MPP3: variants seen among roughly 807,000 people sequenced by gnomAD.
The protein encoded by MPP3 is MAGUK p55 subfamily member 3.
Under a neutral mutation model 80.7 loss-of-function variants are expected in MPP3, and 48 were observed. The ratio of observed to expected loss-of-function variants is 0.59; its 90% CI spans 0.47 to 0.76. MPP3 has a LOEUF of 0.76. Among genes scored for constraint, MPP3 ranks in the 30% least tolerant of loss-of-function variants. The probability of loss-of-function intolerance (pLI) is 0.00; values close to 1 mark genes in which losing one functional copy is unlikely to be tolerated. For synonymous variants in MPP3, 311 were observed against 297.6 expected (o/e 1.04, Z -0.46); for missense variants, 620 against 763.0 (o/e 0.81, Z 2.21).
chr17:43,822,460 T>C (rs1555588388), intron 10 of MPP3, among the ~76,000 whole-genome samples: 1 of 152,002 alleles, frequency 6.6e-6, no homozygotes, highest in Non-Finnish European at 1.5e-5. Context: ...CTTTTTGCCT[T>C]GGCTGCCAGG....
intron 19 of MPP3, among the ~76,000 whole-genome samples, chr17:43,804,294 T>C (rs2044527687): frequency 6.6e-6 from 1 of 152,184 alleles, no homozygotes; most frequent in Non-Finnish European, 1.5e-5. Flanking sequence ...CAAAACTTAC[T>C]ACAAAGCTAG....
chr17:43,806,887 T>A (rs983365255), intron 19 of MPP3, among the ~76,000 whole-genome samples: 22 of 151,888 alleles, frequency 1.4e-4, no homozygotes, highest in African/African-American at 5.3e-4. Flanking sequence ...GGATTACAGG[T>A]GTGAGCCACT....
chr17:43,829,509 G>A, intron 7 of MPP3, 145 bp downstream of exon 7: 1 of 908,134 alleles, frequency 1.1e-6, no homozygotes, highest in Non-Finnish European at 1.6e-6. Flanking sequence ...CCTGCACACA[G>A]AGGCACCACA....
intron 5 of MPP3, 22 bp downstream of exon 5, chr17:43,831,222 T>C (rs367990964): frequency 1.5e-5 from 24 of 1,613,186 alleles, no homozygotes; most frequent in Non-Finnish European, 2.0e-5. Context: ...GCAGACACTG[T>C]AAGGAGAAAC....
rs2046059007 is a variant in MPP3, at chr17:43,833,121, GC to G, written c.-118del. ...CCTACCTCGTCGCGCCGGGATGTGT[GC>G]TCCGCGAACGGGAGCCGCGCGAGTG... On this transcript the variant is annotated 5_prime_UTR_variant, in exon 1 of 20. Transcript: ENST00000398389. The G allele has an allele frequency of 6.6e-6, 1 of 151,384 alleles. No homozygotes were observed. Among genetic ancestry groups the G allele is most frequent in the African/African-American group, 2.4e-5 (1 of 41,194 alleles). 9.4% of individuals were successfully genotyped at this position (151,384 alleles called of 1,614,324 possible).
At chr17:43,825,597 C>A in intron 9 of MPP3, 159 bp downstream of exon 9, 1 of 589,326 alleles carries the variant, frequency 1.7e-6, no homozygotes, top group East Asian at 2.9e-5. Flanking sequence ...CCACCCCATA[C>A]CCCGGGCACA....
chr17:43,815,789 G>C, intron 14 of MPP3: 1 of 680,238 alleles, frequency 1.5e-6, no homozygotes. Context: ...TATTAATGTA[G>C]GGGTGTGTGT....
chr17:43,803,129 C>T (rs770251075), intron 19 of MPP3, among the ~76,000 whole-genome samples: 1 of 152,122 alleles, frequency 6.6e-6, no homozygotes, highest in Non-Finnish European at 1.5e-5. Context: ...GAAGCCCTAT[C>T]CCGTAACTGC....
At chr17:43,831,151 C>A in intron 5 of MPP3, 93 bp downstream of exon 5, 1 of 1,169,238 alleles carries the variant, frequency 8.6e-7, no homozygotes, top group Admixed American at 1.8e-5. Context: ...TCCTGATTCC[C>A]GGTGTCCCCA....
chr17:43,831,578 C>CT lies in MPP3; in HGVS notation c.124dup (p.Ser42LysfsTer10). On this transcript the variant is annotated frameshift_variant, in exon 4 of 20. Transcript: ENST00000398389. LOFTEE classifies it high-confidence loss of function. Reference sequence around the variant, plus strand: ...CTTCACCTTCATTAAGTAACTGAGGCTTTTTTCACTGAAAACATCCCTCAG... The same window carrying CT: ...CTTCACCTTCATTAAGTAACTGAGGCTTTTTTTCACTGAAAACATCCCTCAG... 6.2e-7 allele frequency: 1 copy of CT among 1,613,020 alleles called. No homozygotes were observed. Among genetic ancestry groups the CT allele is most frequent in the Non-Finnish European group, 8.5e-7 (1 of 1,179,134 alleles).
chr17:43,828,861 G>A (rs979231440), intron 7 of MPP3, among the ~76,000 whole-genome samples: 1 of 152,180 alleles, frequency 6.6e-6, no homozygotes. Flanking sequence ...GGATAGGAGG[G>A]CTCACAATGT....
intron 2 of MPP3, chr17:43,832,325 A>AG (rs2046005285): frequency 3.8e-6 from 1 of 266,498 alleles, no homozygotes; most frequent in African/African-American, 2.3e-5. Context: ...CCTGCCTGAC[A>AG]GTGTCAGCTG....
intron 11 of MPP3, among the ~76,000 whole-genome samples, chr17:43,820,225 G>A (rs1019830676): frequency 4.6e-5 from 7 of 152,100 alleles, no homozygotes; most frequent in South Asian, 2.1e-4. Context: ...GATTACAGGC[G>A]TGAGTCATCA....
intron 19 of MPP3, among the ~76,000 whole-genome samples, chr17:43,806,294 T>G (rs1446351584): frequency 1.3e-5 from 2 of 152,024 alleles, no homozygotes; most frequent in African/African-American, 4.8e-5. Context: ...GCCTCCCGAG[T>G]AGCTGGGATT....
chr17:43,811,309 C>T (rs2044847436), intron 16 of MPP3, 104 bp from the exon 17 acceptor site: 2 of 825,010 alleles, frequency 2.4e-6, no homozygotes, highest in Admixed American at 4.0e-5. Context: ...GCTGCTGTGT[C>T]TAAACCAGGC....
In MPP3 at chr17:43,820,151, C is replaced by T. The variant is rs1447903259; in HGVS notation, c.881+711G>A. Among the ~76,000 whole-genome samples the T allele has an allele frequency of 3.3e-5, 5 of 152,110 alleles. No homozygotes were observed. In the South Asian group the frequency reaches 1.0e-3, roughly 32 times the overall value. ...GTAGAGACAAGGTCTTACTATGTTG[C>T]CTAGGCTGGTCTTGAACTCCTGGGC... is the stretch of plus-strand genomic sequence containing the variant. On this transcript the variant is annotated intron_variant, in intron 11 of 19. Transcript: ENST00000398389.
rs144319237 is a variant in MPP3 at position 43,816,645 on chromosome 17, G to A, written c.967+32C>T. ...AGACGTTCCACGGAAAAGGGGCCAC[G>A]CCTGTGGACAGCGGATAGATACTGG... On this transcript the variant is annotated intron_variant, in intron 13 of 19. Transcript: ENST00000398389. The A allele has an allele frequency of 4.7e-4, 733 of 1,561,562 alleles. 1 individual carries two copies. The highest frequency in any genetic ancestry group is 5.9e-4 in the Non-Finnish European group (682 of 1,151,764).
Position 43,824,012 on chromosome 17 carries a change from C to T in MPP3, c.610-7G>A, listed in dbSNP as rs756254485. 3.9e-5 allele frequency: 62 copies of T among 1,597,842 alleles called. No homozygotes were observed. The highest frequency in any genetic ancestry group is 1.5e-4 in the Admixed American group (9 of 58,416). ...TGGATCCCTGGGACTGGGCCTGAAA[C>T]GAAAGAGAACAGAAGCTTCTCGCCT... On this transcript the variant is annotated splice_region_variant and splice_polypyrimidine_tract_variant and intron_variant, in intron 9 of 19. Coordinates refer to ENST00000398389, the MANE Select transcript of MPP3 (RefSeq NM_001932.6).
intron 5 of MPP3, 60 bp from the exon 6 acceptor site, chr17:43,830,167 G>A: frequency 7.6e-7 from 1 of 1,313,028 alleles, no homozygotes; most frequent in South Asian, 1.6e-5. Context: ...CATATCTGCT[G>A]GGTCCTTCCT....
Sources: allele counts gnomAD v4.1 joint callset (sites outside exome capture counted in the v4.1 genomes callset), GRCh38; gene constraint gnomAD v4.1.1; transcripts MANE v1.5; gene names NCBI Gene and HGNC (gene_info 2026-07-23, HGNC 2026-07-21).